Variants in L2HGDH observed in about 807,000 individuals in gnomAD.
The protein encoded by L2HGDH is L-2-hydroxyglutarate dehydrogenase.
In L2HGDH, 34 loss-of-function variants were observed where a neutral mutation model predicts 51.5. That is an observed-to-expected ratio of 0.66 (90% CI 0.50 to 0.88). The LOEUF (loss-of-function observed/expected upper bound fraction) is 0.88, where lower values mean the gene tolerates loss of function less well. Ranked by LOEUF, L2HGDH falls within the 40% of genes least tolerant of loss-of-function variation. The probability of loss-of-function intolerance (pLI) is 0.00; values close to 1 mark genes in which losing one functional copy is unlikely to be tolerated. For missense variants in L2HGDH, 558 were observed against 571.9 expected (o/e 0.98, Z 0.25); for synonymous variants, 198 against 197.9 (o/e 1.00, Z -0.01).
intron 4 of L2HGDH, among the ~76,000 whole-genome samples, chr14:50,291,173 G>A (rs1890859880): frequency 7.3e-6 from 1 of 136,870 alleles, no homozygotes; most frequent in African/African-American, 2.9e-5. Context: ...ACTCCAGCTT[G>A]GGGGACAGAC....
Position 50,247,069 on chromosome 14 carries a change from A to G in L2HGDH, c.1381T>C (p.Phe461Leu). Residue 461 changes from phenylalanine to leucine, a missense_variant, in exon 10 of 10, where the codon TTT (phenylalanine) becomes CTT (leucine). By Grantham distance (22) the Phe-to-Leu change is conservative. This residue lies in a region of L2HGDH where 321 missense variants were observed against 311.8 expected (regional missense o/e 1.03). Transcript: ENST00000267436. ...GMIADEVQQR[F>L]EL ...GCTCCTTTCATTATTTATAATTCAA[A>G]TCTTTGTTGTACTTCATCTGCAATC... is the stretch of plus-strand genomic sequence containing the variant. 1 of 1,613,388 alleles carries G rather than the reference A, an allele frequency of 6.2e-7. No homozygotes were observed. The highest frequency in any genetic ancestry group is 8.5e-7 in the Non-Finnish European group (1 of 1,179,470).
At chr14:50,250,513 A>G (rs1224974764) in intron 9 of L2HGDH, among the ~76,000 whole-genome samples, 1 of 152,108 alleles carries the variant, frequency 6.6e-6, no homozygotes, top group Non-Finnish European at 1.5e-5. Context: ...TTTGACCCCA[A>G]TCTGTGGCTT....
rs894303113 is a variant in L2HGDH at position 50,244,878 on chromosome 14, C to A, written c.*2180G>T. On this transcript the variant is annotated 3_prime_UTR_variant, in exon 10 of 10. Coordinates refer to ENST00000267436, the MANE Select transcript of L2HGDH (RefSeq NM_024884.3). ...AGACATACACAGTAGAAGATGAATC[C>A]TGAGAGAGCAAATCAGAGAGAATGG... 2.0e-6 allele frequency: 2 copies of A among 985,410 alleles called. No homozygotes were observed. The highest frequency in any genetic ancestry group is 1.2e-4 in the Admixed American group (2 of 16,270). The allele number at this position is 985,410 out of a possible 1,614,324, so 61.0% of individuals were successfully genotyped here.
Position 50,308,725 on chromosome 14 carries a change from A to T in L2HGDH, c.140+3286T>A, listed in dbSNP as rs2030878102. Among the ~76,000 whole-genome samples, 4 of 152,214 alleles carry T rather than the reference A, an allele frequency of 2.6e-5. No individual in the cohort carries two copies. The South Asian group carries it at 8.3e-4, about 32-fold the overall frequency. The stretch of plus-strand genomic sequence containing the variant: ...TTTCTTAAAAAGAAACTAAACATGG[A>T]CTTACTACATGACTCAGTAACTGCA... On this transcript the variant is annotated intron_variant, in intron 1 of 9. Transcript: ENST00000267436.
At chr14:50,295,156 G>A (rs1176501519) in intron 3 of L2HGDH, among the ~76,000 whole-genome samples, 2 of 152,150 alleles carry the variant, frequency 1.3e-5, no homozygotes, top group African/African-American at 4.8e-5. Flanking sequence ...AATAAAAACT[G>A]TAACTAGACT....
At position 50,242,536 on chromosome 14, in the gene L2HGDH, T is replaced by A; in HGVS notation, c.*4522A>T. ...ACAAACCCACAATACTTTCTAGGAT[T>A]TGAGGCCAGAAAAGTAGAGTTGGTT... On this transcript the variant is annotated 3_prime_UTR_variant, in exon 10 of 10. Coordinates refer to ENST00000267436, the MANE Select transcript of L2HGDH (RefSeq NM_024884.3). 1.0e-6 allele frequency: 1 copy of A among 984,830 alleles called. No homozygotes were observed. Among genetic ancestry groups the A allele is most frequent in the Non-Finnish European group, 1.2e-6 (1 of 829,384 alleles). 61.0% of individuals were successfully genotyped at this position (984,830 alleles called of 1,614,324 possible). A position where few individuals can be genotyped will look rare whatever the true frequency, so the allele number is the denominator to read the frequency against.
intron 3 of L2HGDH, among the ~76,000 whole-genome samples, chr14:50,301,346 A>T (rs770010743): frequency 6.6e-6 from 1 of 152,220 alleles, no homozygotes; most frequent in Non-Finnish European, 1.5e-5. Flanking sequence ...AAATGAAAAC[A>T]TATGTTCACA....
intron 1 of L2HGDH, among the ~76,000 whole-genome samples, chr14:50,305,572 T>C (rs185585127): frequency 4.3e-4 from 65 of 152,344 alleles, no homozygotes; most frequent in Non-Finnish European, 1.0e-4. Flanking sequence ...ACAGATGTTT[T>C]ATGGATTCTA....
At chr14:50,304,385 C>T (rs1404110016) in intron 1 of L2HGDH, among the ~76,000 whole-genome samples, 1 of 152,192 alleles carries the variant, frequency 6.6e-6, no homozygotes, top group Non-Finnish European at 1.5e-5. Flanking sequence ...TGTGTTAACA[C>T]ATTAAAGCTT....
Position 50,269,189 on chromosome 14 carries a change from A to G in L2HGDH, c.880T>C (p.Tyr294His). 1.9e-6 allele frequency: 3 copies of G among 1,614,030 alleles called. No homozygotes were observed. Among genetic ancestry groups the G allele is most frequent in the Non-Finnish European group, 2.5e-6 (3 of 1,179,952 alleles). Residue 294 changes from tyrosine to histidine, a missense_variant, in exon 7 of 10, where the codon TAT (tyrosine) becomes CAT (histidine). Transcript: ENST00000267436. ...DYLLLKPEKC[Y>H]LVKGNIYPVP... ...GGATAAATATTTCCTTTTACAAGAT[A>G]ACATTTTTCTGGCTTCAAAAGCAGG...
chr14:50,300,359 G>T (rs865782227), intron 3 of L2HGDH, among the ~76,000 whole-genome samples: 1 of 151,748 alleles, frequency 6.6e-6, no homozygotes, highest in African/African-American at 2.4e-5. Flanking sequence ...CAGTGGTGTG[G>T]TCTCGCCTCA....
chr14:50,311,748 G>T (rs1425548767), intron 1 of L2HGDH, among the ~76,000 whole-genome samples: 1 of 152,194 alleles, frequency 6.6e-6, no homozygotes, highest in Non-Finnish European at 1.5e-5. Context: ...AACTAGCCCA[G>T]AGTTCAACAG....
At chr14:50,304,995 G>T (rs572521513) in intron 1 of L2HGDH, among the ~76,000 whole-genome samples, 17 of 152,290 alleles carry the variant, frequency 1.1e-4, no homozygotes, top group African/African-American at 3.9e-4. Flanking sequence ...TTCGAAAAGT[G>T]ATCTAAGTTT....
chr14:50,309,015 A>G (rs1342753858), intron 1 of L2HGDH, among the ~76,000 whole-genome samples: 1 of 108,226 alleles, frequency 9.2e-6, no homozygotes, highest in African/African-American at 3.2e-5. Context: ...CCAATCTCCA[A>G]AGGCTTGTTT....
At position 50,293,553 on chromosome 14, in the gene L2HGDH, A is replaced by G. The variant is rs60541915; in HGVS notation, c.540+562T>C. ...AAAAAACAAACATATGCATAAATTG[A>G]TAACATTAAGAATTTCTGTTAATCT... On this transcript the variant is annotated intron_variant, in intron 4 of 9. Transcript: ENST00000267436. Among the ~76,000 whole-genome samples the G allele has an allele frequency of 2.0e-3, 302 of 152,320 alleles. 1 individual carries two copies. Among genetic ancestry groups the G allele is most frequent in the African/African-American group, 6.4e-3 (267 of 41,578 alleles).
At chr14:50,306,671 C>G (rs1254556364) in intron 1 of L2HGDH, among the ~76,000 whole-genome samples, 3 of 148,404 alleles carry the variant, frequency 2.0e-5, no homozygotes, top group Non-Finnish European at 4.4e-5. Context: ...CTGGCTGCTG[C>G]GTGTTGGTGG....
intron 1 of L2HGDH, among the ~76,000 whole-genome samples, chr14:50,311,736 GTAAC>G (rs1421289445): frequency 2.0e-5 from 3 of 152,232 alleles, no homozygotes; most frequent in African/African-American, 7.2e-5. Context: ...AGGAGGTTAA[GTAAC>G]TAGCCCAGAG....
Position 50,243,041 on chromosome 14 carries a change from GTT to G in L2HGDH, c.*4015_*4016del. 1.0e-6 allele frequency: 1 copy of G among 985,386 alleles called. No individual in the cohort carries two copies. The highest frequency in any genetic ancestry group is 1.2e-6 in the Non-Finnish European group (1 of 829,934). The allele number at this position is 985,386 out of a possible 1,614,324, so 61.0% of individuals were successfully genotyped here. On this transcript the variant is annotated 3_prime_UTR_variant, in exon 10 of 10. Transcript: ENST00000267436. ...TTCTCACCACCATCCTTTGAAGAAA[GTT>G]CTAAGAGTTAAGGTTATCCCACAGG...
At position 50,245,348 on chromosome 14, in the gene L2HGDH, C is replaced by T. The variant is rs1224456638; in HGVS notation, c.*1710G>A. Reference sequence around the variant, plus strand: ...AAACTGCTCTCATAAAAATCTGTCTCTTCTAAGTTATTTCAGTTCTCAGCC... The same window carrying T: ...AAACTGCTCTCATAAAAATCTGTCTTTTCTAAGTTATTTCAGTTCTCAGCC... On this transcript the variant is annotated 3_prime_UTR_variant, in exon 10 of 10. Transcript: ENST00000267436. 2.0e-6 allele frequency: 2 copies of T among 985,238 alleles called. No homozygotes were observed. Among genetic ancestry groups the T allele is most frequent in the African/African-American group, 3.5e-5 (2 of 57,232 alleles). 61.0% of individuals were successfully genotyped at this position (985,238 alleles called of 1,614,324 possible).
Sources: gnomAD v4.1 joint callset for allele counts (sites outside exome capture counted in the v4.1 genomes callset) on GRCh38, gnomAD v4.1.1 for gene constraint, gnomAD v4.1.1 regional missense constraint, MANE v1.5 for transcripts, NCBI Gene and HGNC (gene_info 2026-07-23, HGNC 2026-07-21) for gene names.